Variants in ADGRL3 observed in about 807,000 individuals in gnomAD.
ADGRL3 encodes calcium-independent alpha-latrotoxin receptor 3.
In ADGRL3, 62 loss-of-function variants were observed where a neutral mutation model predicts 153.5. That is an observed-to-expected ratio of 0.40 (90% CI 0.33 to 0.50). The LOEUF is 0.50. Among genes scored for constraint, ADGRL3 ranks in the 20% least tolerant of loss-of-function variants. The pLI, the probability that ADGRL3 is intolerant of heterozygous loss-of-function variation, is 0.47. For synonymous variants in ADGRL3, 710 were observed against 672.5 expected, an observed-to-expected ratio of 1.06 and a Z score of -0.86; for missense variants, 1,641 against 1,859.4, an observed-to-expected ratio of 0.88 and a Z score of 2.16.
At chr4:61,616,722 C>G (rs1229650385) in intron 5 of ADGRL3, among the ~76,000 whole-genome samples, 1 of 152,092 alleles carries the variant, frequency 6.6e-6, no homozygotes, top group Non-Finnish European at 1.5e-5. Context: ...ATTCCTCATG[C>G]TATATGATGT....
chr4:61,728,372 A>T (rs1318610913), intron 6 of ADGRL3, among the ~76,000 whole-genome samples: 2 of 152,082 alleles, frequency 1.3e-5, no homozygotes, highest in African/African-American at 4.8e-5. Context: ...TCAAAATTTT[A>T]CCAAATGGCA....
chr4:61,750,655 T>G (rs2096743922), intron 8 of ADGRL3, among the ~76,000 whole-genome samples: 1 of 151,254 alleles, frequency 6.6e-6, no homozygotes, highest in Admixed American at 6.6e-5. Context: ...CCGGGCGTAG[T>G]GGCGGGCGCC....
intron 1 of ADGRL3, among the ~76,000 whole-genome samples, chr4:61,226,254 A>G (rs1747919562): frequency 6.6e-6 from 1 of 152,154 alleles, no homozygotes; most frequent in Admixed American, 6.6e-5. Context: ...CTTAGAATCT[A>G]TAGTTATCCA....
At chr4:61,206,015 G>A (rs1736999156) in intron 1 of ADGRL3, among the ~76,000 whole-genome samples, 1 of 152,140 alleles carries the variant, frequency 6.6e-6, no homozygotes, top group South Asian at 2.1e-4. Flanking sequence ...AGCACAAAAT[G>A]TAAAAGAGAA....
rs1746953854 is a variant in ADGRL3 at position 62,075,788 on chromosome 4, A to G, written c.*4880A>G. 6.6e-6 allele frequency: 1 copy of G among 152,196 alleles called. No homozygotes were observed. Among genetic ancestry groups the G allele is most frequent in the Non-Finnish European group, 1.5e-5 (1 of 68,040 alleles). The allele number at this position is 152,196 out of a possible 1,614,324, so 9.4% of individuals were successfully genotyped here. On this transcript the variant is annotated 3_prime_UTR_variant, in exon 27 of 27. Transcript: ENST00000683033. ...TAAGAAGCTTTTCTGAGCTCATAAAATATATTCAATGGATCCCAACATTAA... is the reference window on the plus strand; with the variant it reads ...TAAGAAGCTTTTCTGAGCTCATAAAGTATATTCAATGGATCCCAACATTAA...
chr4:61,886,394 G>A (rs2098538952), intron 9 of ADGRL3, among the ~76,000 whole-genome samples: 1 of 152,040 alleles, frequency 6.6e-6, no homozygotes, highest in Admixed American at 6.6e-5. Context: ...AGTGGACTTT[G>A]GATGTAAATG....
intron 5 of ADGRL3, among the ~76,000 whole-genome samples, chr4:61,599,332 G>A (rs1370852386): frequency 1.3e-5 from 2 of 152,060 alleles, no homozygotes; most frequent in African/African-American, 4.8e-5. Flanking sequence ...AAACAAGGTA[G>A]GTCAGATAAT....
At chr4:61,529,060 A>G (rs528753783) in intron 4 of ADGRL3, among the ~76,000 whole-genome samples, 1 of 152,310 alleles carries the variant, frequency 6.6e-6, no homozygotes, top group East Asian at 1.9e-4. Flanking sequence ...TCAATGAATA[A>G]CAATCTGGAA....
intron 2 of ADGRL3, among the ~76,000 whole-genome samples, chr4:61,446,964 A>G (rs1163348494): frequency 1.3e-5 from 2 of 152,016 alleles, no homozygotes; most frequent in Non-Finnish European, 2.9e-5. Flanking sequence ...TTGTATGCAT[A>G]CCCCTGCTCC....
chr4:61,552,803 T>C (rs185495100), intron 4 of ADGRL3, among the ~76,000 whole-genome samples: 25 of 152,264 alleles, frequency 1.6e-4, no homozygotes, highest in African/African-American at 6.0e-4. Flanking sequence ...AATACACTAT[T>C]AGACTTTGTA....
intron 21 of ADGRL3, among the ~76,000 whole-genome samples, chr4:62,027,005 G>A (rs1344619889): frequency 3.3e-5 from 5 of 151,992 alleles, no homozygotes; most frequent in Admixed American, 6.6e-5. Context: ...GGATGCCTAT[G>A]TGTCAACCTC....
chr4:61,939,807 T>C (rs1284545173), intron 15 of ADGRL3, among the ~76,000 whole-genome samples: 2 of 152,184 alleles, frequency 1.3e-5, no homozygotes, highest in East Asian at 3.9e-4. Flanking sequence ...ACTGGTATCA[T>C]ACAGTGTATA....
intron 1 of ADGRL3, among the ~76,000 whole-genome samples, chr4:61,224,814 C>G (rs1747198923): frequency 6.6e-6 from 1 of 152,194 alleles, no homozygotes; most frequent in Admixed American, 6.5e-5. Flanking sequence ...CACCTTCTCA[C>G]TGACTTATCT....
At chr4:61,711,936 C>G (rs938677873) in intron 6 of ADGRL3, among the ~76,000 whole-genome samples, 2 of 152,084 alleles carry the variant, frequency 1.3e-5, no homozygotes, top group African/African-American at 2.4e-5. Flanking sequence ...AGAATAGATG[C>G]CATTTTCAGT....
rs533686873 is a variant in ADGRL3 at position 61,954,969 on chromosome 4, A to G, written c.2805+6693A>G. Among the ~76,000 whole-genome samples the G allele has an allele frequency of 5.9e-5, 9 of 152,308 alleles. No individual in the cohort carries two copies. In the South Asian group the frequency reaches 1.7e-3, roughly 28 times the overall value. On this transcript the variant is annotated intron_variant, in intron 17 of 26. Transcript: ENST00000683033. ...TGGGGTGCTCAGAGAGATTTCAGCT[A>G]GGTCCCCTCAGGCAGACAAGAAAAG...
intron 1 of ADGRL3, among the ~76,000 whole-genome samples, chr4:61,351,530 C>T (rs1314060335): frequency 9.2e-5 from 14 of 152,180 alleles, no homozygotes. Flanking sequence ...GGCTTCAAAG[C>T]TTCAGAGGAC....
chr4:61,834,856 A>G (rs1418877539), intron 9 of ADGRL3, among the ~76,000 whole-genome samples: 6 of 152,158 alleles, frequency 3.9e-5, no homozygotes, highest in African/African-American at 1.4e-4. Context: ...TCCTAATTTT[A>G]AAGGTAAAAC....
chr4:61,972,867 T>A (rs552709033), intron 17 of ADGRL3, among the ~76,000 whole-genome samples: 8 of 152,190 alleles, frequency 5.3e-5, no homozygotes, highest in African/African-American at 1.7e-4. Context: ...TAAATCCAGC[T>A]CAACATTAAA....
intron 5 of ADGRL3, among the ~76,000 whole-genome samples, chr4:61,615,630 T>G (rs2091915833): frequency 6.6e-6 from 1 of 151,296 alleles, no homozygotes; most frequent in African/African-American, 2.4e-5. Context: ...TGTGACAGAA[T>G]AGCAGGAAAC....
Sources: gnomAD v4.1 joint callset for allele counts (sites outside exome capture counted in the v4.1 genomes callset) on GRCh38, gnomAD v4.1.1 for gene constraint, MANE v1.5 for transcripts, NCBI Gene and HGNC (gene_info 2026-07-23, HGNC 2026-07-21) for gene names.